Variants in NCOA3 observed in about 807,000 individuals in gnomAD.
The protein encoded by NCOA3 is CBP-interacting protein.
Under a neutral mutation model 158.8 loss-of-function variants are expected in NCOA3, and 51 were observed. The ratio of observed to expected loss-of-function variants is 0.32; its 90% CI spans 0.26 to 0.41. The LOEUF (loss-of-function observed/expected upper bound fraction) is 0.41. NCOA3 is among the 10% of genes least tolerant of loss of function. NCOA3 has a pLI of 1.00. For missense variants in NCOA3, 1,510 were observed against 1,746.6 expected (o/e 0.86, Z 2.41); for synonymous variants, 537 against 592.4 (o/e 0.91, Z 1.36).
intron 8 of NCOA3, among the ~76,000 whole-genome samples, chr20:47,629,366 C>T (rs1383604127): frequency 6.0e-5 from 9 of 149,496 alleles, no homozygotes; most frequent in Non-Finnish European, 8.9e-5. Context: ...TTTGCTCTGT[C>T]GTGCCCAGGC....
intron 2 of NCOA3, among the ~76,000 whole-genome samples, chr20:47,615,423 G>A (rs2086116268): frequency 6.6e-6 from 1 of 152,086 alleles, no homozygotes; most frequent in South Asian, 2.1e-4. Context: ...TGGACAGGGC[G>A]TAGTTCCTGT....
chr20:47,513,946 C>T (rs2084188865), intron 1 of NCOA3, among the ~76,000 whole-genome samples: 1 of 151,966 alleles, frequency 6.6e-6, no homozygotes, highest in Non-Finnish European at 1.5e-5. Context: ...AGGCGAAATG[C>T]TTAAACTTAA....
chr20:47,640,623 G>A (rs1046439424), intron 16 of NCOA3, among the ~76,000 whole-genome samples: 1 of 151,638 alleles, frequency 6.6e-6, no homozygotes, highest in Admixed American at 6.6e-5. Context: ...GCTCACGCCT[G>A]TAATCCCAGC....
Position 47,642,197 on chromosome 20 carries a change from G to C in NCOA3, c.3081-16G>C. The stretch of plus-strand genomic sequence containing the variant: ...AAAAAAAGCACCATTGACATTGATT[G>C]CAAGTCTTTTTCTAGGCCTCTTCTT... On this transcript the variant is annotated splice_polypyrimidine_tract_variant and intron_variant, in intron 16 of 22. Coordinates refer to ENST00000371998, the MANE Select transcript of NCOA3 (RefSeq NM_181659.3). 6.5e-7 allele frequency: 1 copy of C among 1,541,634 alleles called. No homozygotes were observed. The highest frequency in any genetic ancestry group is 8.7e-7 in the Non-Finnish European group (1 of 1,149,756).
chr20:47,635,873 AT>A lies in NCOA3; in HGVS notation c.1505-10del, dbSNP rs747677163. On this transcript the variant is annotated splice_polypyrimidine_tract_variant and intron_variant, in intron 11 of 22. Coordinates refer to ENST00000371998, the MANE Select transcript of NCOA3 (RefSeq NM_181659.3). ...TCTGGTAGTCTAATTCTTTTCCTAA[AT>A]TTTTTTTCAAATTCAGGTGTGCACT... The A allele has an allele frequency of 4.5e-6, 7 of 1,571,004 alleles. No homozygotes were observed. The highest frequency in any genetic ancestry group is 2.4e-5 in the South Asian group (2 of 84,232).
chr20:47,575,019 T>TC (rs1344738739), intron 1 of NCOA3, among the ~76,000 whole-genome samples: 2 of 152,132 alleles, frequency 1.3e-5, no homozygotes, highest in East Asian at 3.8e-4. Context: ...TTCCCCAACC[T>TC]CCCCACTTCC....
chr20:47,640,182 C>T, intron 16 of NCOA3, 131 bp downstream of exon 16: 2 of 1,216,848 alleles, frequency 1.6e-6, no homozygotes, highest in Non-Finnish European at 2.3e-6. Context: ...GCCAGCTGGG[C>T]ATTTCTCGTG....
At chr20:47,595,160 G>A (rs2085732511) in intron 2 of NCOA3, among the ~76,000 whole-genome samples, 1 of 147,756 alleles carries the variant, frequency 6.8e-6, no homozygotes, top group Non-Finnish European at 1.5e-5. Flanking sequence ...GTGCAGCGGC[G>A]CCATCTCGGC....
At chr20:47,522,698 T>TG (rs2084362892) in intron 1 of NCOA3, among the ~76,000 whole-genome samples, 1 of 150,016 alleles carries the variant, frequency 6.7e-6, no homozygotes, top group Non-Finnish European at 1.5e-5. Flanking sequence ...GCAGGGGCGC[T>TG]ATGATGTTCT....
At chr20:47,616,307 C>T (rs1260350020) in intron 2 of NCOA3, among the ~76,000 whole-genome samples, 1 of 151,680 alleles carries the variant, frequency 6.6e-6, no homozygotes, top group Non-Finnish European at 1.5e-5. Flanking sequence ...AATCCTCCTG[C>T]CTCAGTCCCC....
intron 2 of NCOA3, among the ~76,000 whole-genome samples, chr20:47,620,151 C>CT (rs1200774758): frequency 6.6e-6 from 1 of 151,816 alleles, no homozygotes; most frequent in African/African-American, 2.4e-5. Flanking sequence ...CTCACTCGGT[C>CT]ACCCAGTCTG....
intron 2 of NCOA3, among the ~76,000 whole-genome samples, chr20:47,583,734 T>A (rs1372219460): frequency 6.6e-6 from 1 of 152,238 alleles, no homozygotes; most frequent in Admixed American, 6.5e-5. Flanking sequence ...GGTGGTTAGA[T>A]CACCTGAGTC....
At chr20:47,644,544 T>TA (rs1343107744) in intron 17 of NCOA3, among the ~76,000 whole-genome samples, 3 of 152,220 alleles carry the variant, frequency 2.0e-5, no homozygotes, top group Non-Finnish European at 2.9e-5. Flanking sequence ...TTTTATCAAG[T>TA]ATCTGGTGAT....
intron 4 of NCOA3, among the ~76,000 whole-genome samples, chr20:47,624,965 G>A (rs2086298736): frequency 6.6e-6 from 1 of 151,976 alleles, no homozygotes. Flanking sequence ...TAGAGATGGG[G>A]TTTTGCCATG....
At position 47,656,330 on chromosome 20, in the gene NCOA3, T is replaced by TTA. The variant is rs2086873968; in HGVS notation, c.*2915_*2916dup. ...AAATATCAATAACAGTGCTACTTAG[T>TTA]TATCAGTATTTAATATCTGAGGTGA... On this transcript the variant is annotated 3_prime_UTR_variant, in exon 23 of 23. Transcript: ENST00000371998. 1 of 152,194 alleles carries TTA rather than the reference T, an allele frequency of 6.6e-6. No individual in the cohort carries two copies. The highest frequency in any genetic ancestry group is 1.5e-5 in the Non-Finnish European group (1 of 68,040). 9.4% of individuals were successfully genotyped at this position (152,194 alleles called of 1,614,324 possible).
chr20:47,613,644 G>A (rs780963985), intron 2 of NCOA3, among the ~76,000 whole-genome samples: 9 of 152,086 alleles, frequency 5.9e-5, no homozygotes, highest in South Asian at 2.1e-4. Context: ...CAGGCGCGGC[G>A]GCTCACGCCT....
chr20:47,561,796 T>G (rs1007227199), intron 1 of NCOA3, among the ~76,000 whole-genome samples: 2 of 152,194 alleles, frequency 1.3e-5, no homozygotes, highest in Non-Finnish European at 2.9e-5. Flanking sequence ...TAGCTTACAT[T>G]AGGGTTAATT....
intron 1 of NCOA3, among the ~76,000 whole-genome samples, chr20:47,522,302 C>T (rs2084353529): frequency 6.6e-6 from 1 of 151,664 alleles, no homozygotes; most frequent in African/African-American, 2.4e-5. Flanking sequence ...CGGGGTTTCA[C>T]CATGTTAGCC....
chr20:47,647,531 GA>G (rs2086709404), intron 18 of NCOA3, among the ~76,000 whole-genome samples, 165 bp downstream of exon 18: 1 of 152,068 alleles, frequency 6.6e-6, no homozygotes, highest in African/African-American at 2.4e-5. Context: ...CCTTGTTAAG[GA>G]GTAGTTTTAT....
Sources: gnomAD v4.1 joint callset for allele counts (sites outside exome capture counted in the v4.1 genomes callset) on GRCh38, gnomAD v4.1.1 for gene constraint, MANE v1.5 for transcripts, NCBI Gene and HGNC (gene_info 2026-07-23, HGNC 2026-07-21) for gene names.